KANK1: variants seen among roughly 807,000 people sequenced by gnomAD.
The protein encoded by KANK1 is KN motif and ankyrin repeat domains 1, also known as KN motif and ankyrin repeat domain-containing protein 1.
KANK1 carries 109 observed loss-of-function variants against 106.2 expected under a neutral mutation model. That is an observed-to-expected ratio of 1.03 (90% CI 0.88 to 1.20). The LOEUF (loss-of-function observed/expected upper bound fraction) is 1.20. Ranked by LOEUF, KANK1 falls within the 50% of genes most tolerant of loss-of-function variation. KANK1 has a pLI of 0.00. For missense variants in KANK1, 2,399 were observed against 1,710.7 expected (o/e 1.40, Z -7.10); for synonymous variants, 873 against 652.2 (o/e 1.34, Z -5.16).
chr9:655,031 A>G (rs1841814130), intron 1 of KANK1, among the ~76,000 whole-genome samples: 1 of 152,140 alleles, frequency 6.6e-6, no homozygotes, highest in African/African-American at 2.4e-5. Context: ...TCTCACCCCC[A>G]GAGATTAGTT....
chr9:719,195 C>T (rs1400118578), intron 3 of KANK1, among the ~76,000 whole-genome samples: 1 of 152,082 alleles, frequency 6.6e-6, no homozygotes, highest in Admixed American at 6.5e-5. Flanking sequence ...TCTCGATCTT[C>T]TAACCTCATG....
chr9:604,897 T>C (rs1037543992), intron 1 of KANK1, among the ~76,000 whole-genome samples: 3 of 151,848 alleles, frequency 2.0e-5, no homozygotes, highest in Non-Finnish European at 4.4e-5. Flanking sequence ...CAATTAAACC[T>C]TTTTTCTTCA....
At chr9:721,641 C>A (rs1287331674) in intron 3 of KANK1, among the ~76,000 whole-genome samples, 1 of 152,192 alleles carries the variant, frequency 6.6e-6, no homozygotes, top group Non-Finnish European at 1.5e-5. Flanking sequence ...ATAAGGTCAT[C>A]TGCTGATAAC....
intron 3 of KANK1, among the ~76,000 whole-genome samples, chr9:728,995 C>T (rs1831491888): frequency 6.6e-6 from 1 of 152,216 alleles, no homozygotes; most frequent in South Asian, 2.1e-4. Context: ...CCACCTTGGG[C>T]ACATGTTGTC....
At position 730,121 on chromosome 9, in the gene KANK1, C is replaced by A. The variant is rs143126559; in HGVS notation, c.2769C>A (p.Ser923=). Reference sequence around the variant, plus strand: ...GAAGTCCCTTAAGCTCCCAGACATCCCAGCCTGAGCAAGAAGTGGGGACCT... The same window carrying A: ...GAAGTCCCTTAAGCTCCCAGACATCACAGCCTGAGCAAGAAGTGGGGACCT... The part of the protein sequence containing the change: ...QSGSPLSSQT[S]QPEQEVGTSE... Residue 923 remains serine, a synonymous_variant, in exon 4 of 12, where the codon TCC becomes TCA. Transcript: ENST00000382297. The A allele has an allele frequency of 6.2e-7, 1 of 1,614,040 alleles. No homozygotes were observed. The highest frequency in any genetic ancestry group is 8.5e-7 in the Non-Finnish European group (1 of 1,180,038).
In KANK1 at chr9:732,478, G is replaced by A. The variant is rs367981647; in HGVS notation, c.3106G>A (p.Glu1036Lys). Residue 1036 changes from glutamate to lysine, a missense_variant, in exon 6 of 12, where the codon GAG (glutamate) becomes AAG (lysine). Coordinates refer to ENST00000382297, the MANE Select transcript of KANK1 (RefSeq NM_015158.5). ...DVIEYPLEEEEEEEDEDTRGM... is the reference protein window; with the variant it reads ...DVIEYPLEEEKEEEDEDTRGM... The stretch of plus-strand genomic sequence containing the variant: ...CATTGAGTATCCTCTTGAAGAAGAG[G>A]AGGAGGAGGAGGATGAAGACACTCG... 98 of 1,613,866 alleles carry A rather than the reference G, an allele frequency of 6.1e-5. No homozygotes were observed. The highest frequency in any genetic ancestry group is 7.5e-5 in the Non-Finnish European group (88 of 1,179,988).
chr9:651,893 A>G (rs1840958224), intron 1 of KANK1, among the ~76,000 whole-genome samples: 1 of 152,210 alleles, frequency 6.6e-6, no homozygotes, highest in African/African-American at 2.4e-5. Context: ...GAATCCCATG[A>G]TAAAAAACTA....
intron 1 of KANK1, among the ~76,000 whole-genome samples, chr9:626,474 A>T (rs1182422533): frequency 6.6e-6 from 1 of 152,234 alleles, no homozygotes; most frequent in African/African-American, 2.4e-5. Context: ...TATACTTATT[A>T]TTCTAGATAC....
chr9:591,745 G>A (rs574750494), intron 1 of KANK1, among the ~76,000 whole-genome samples: 2 of 151,810 alleles, frequency 1.3e-5, no homozygotes, highest in East Asian at 1.9e-4. Context: ...TGCAACCTCT[G>A]CCTCCTGGGT....
At chr9:714,824 A>G (rs1827248399) in intron 3 of KANK1, among the ~76,000 whole-genome samples, 1 of 152,160 alleles carries the variant, frequency 6.6e-6, no homozygotes, top group Admixed American at 6.5e-5. Flanking sequence ...TTTGCTTGTG[A>G]CCATGTGCAC....
chr9:516,812 G>T (rs1287558677), intron 1 of KANK1, among the ~76,000 whole-genome samples: 5 of 151,648 alleles, frequency 3.3e-5, no homozygotes, highest in Admixed American at 3.3e-4. Context: ...TGATTCACTA[G>T]TTATCATTAT....
chr9:658,797 A>T (rs1226039587), intron 1 of KANK1, among the ~76,000 whole-genome samples: 1 of 152,086 alleles, frequency 6.6e-6, no homozygotes, highest in African/African-American at 2.4e-5. Flanking sequence ...GCATAGGCAC[A>T]TCTGTGTGGG....
At chr9:628,012 TAAC>T (rs1019075945) in intron 1 of KANK1, among the ~76,000 whole-genome samples, 1 of 152,200 alleles carries the variant, frequency 6.6e-6, no homozygotes, top group African/African-American at 2.4e-5. Flanking sequence ...GTATCTAGAA[TAAC>T]AAGTATAATT....
rs762979897 is a variant in KANK1 at position 738,507 on chromosome 9, A to G, written c.3553+3A>G. The G allele has an allele frequency of 1.5e-5, 24 of 1,611,166 alleles. No homozygotes were observed. The highest frequency in any genetic ancestry group is 2.0e-5 in the Non-Finnish European group (24 of 1,177,402). ...TGTGAAGCTGCTGTTAGATGCCGGTATGTTGGCTGCCCTTCCACCCTCTCT... is the reference window on the plus strand; with the variant it reads ...TGTGAAGCTGCTGTTAGATGCCGGTGTGTTGGCTGCCCTTCCACCCTCTCT... On this transcript the variant is annotated splice_donor_region_variant and intron_variant, in intron 8 of 11. Transcript: ENST00000382297.
chr9:582,245 TG>T (rs1288880482), intron 1 of KANK1, among the ~76,000 whole-genome samples: 1 of 152,106 alleles, frequency 6.6e-6, no homozygotes, highest in Non-Finnish European at 1.5e-5. Context: ...GGGGGGTGTG[TG>T]TGGCTTTACC....
chr9:557,731 T>C (rs994255053), intron 1 of KANK1, among the ~76,000 whole-genome samples: 1 of 152,206 alleles, frequency 6.6e-6, no homozygotes, highest in Non-Finnish European at 1.5e-5. Flanking sequence ...AAATCTGTTT[T>C]GTAAAAGGAC....
Position 597,253 on chromosome 9 carries a change from T to A in KANK1, c.-83-79637T>A, listed in dbSNP as rs140673476. On this transcript the variant is annotated intron_variant, in intron 1 of 11. Transcript: ENST00000382297. ...GGTTCATACTTAGAGGTGTAATTGCTGGGTTATATGGCAAGTCTGTGTAAC... is the reference window on the plus strand; with the variant it reads ...GGTTCATACTTAGAGGTGTAATTGCAGGGTTATATGGCAAGTCTGTGTAAC... Among the ~76,000 whole-genome samples the A allele has an allele frequency of 4.0e-3, 615 of 152,012 alleles. 13 individuals are homozygous for A. Among genetic ancestry groups the A allele is most frequent in the African/African-American group, 0.013 (543 of 41,256 alleles).
intron 1 of KANK1, among the ~76,000 whole-genome samples, chr9:598,620 C>CTTTTTGTTTTTTTTTTTTTT (rs1826841957): frequency 2.1e-5 from 1 of 46,660 alleles, no homozygotes. Context: ...TGTTGGTTTT[C>CTTTTTGTTTTTTTTTTTTTT]TTTTTTTTTT....
At chr9:720,894 A>T (rs988553240) in intron 3 of KANK1, among the ~76,000 whole-genome samples, 8 of 152,172 alleles carry the variant, frequency 5.3e-5, no homozygotes, top group African/African-American at 1.9e-4. Context: ...TAATTAAACC[A>T]CCAGCAGTTC....
Sources: gnomAD v4.1 joint callset for allele counts (sites outside exome capture counted in the v4.1 genomes callset) on GRCh38, gnomAD v4.1.1 for gene constraint, MANE v1.5 for transcripts, NCBI Gene and HGNC (gene_info 2026-07-23, HGNC 2026-07-21) for gene names.